Variants in FHIP1A observed in about 807,000 individuals in gnomAD.
The protein encoded by FHIP1A is FHF complex subunit HOOK-interacting protein 1A.
FHIP1A carries 61 observed loss-of-function variants against 88.6 expected under a neutral mutation model. That is an observed-to-expected ratio of 0.69 (90% CI 0.56 to 0.85). The LOEUF (loss-of-function observed/expected upper bound fraction) is 0.85, where lower values mean the gene tolerates loss of function less well. Among genes scored for constraint, FHIP1A ranks in the 40% least tolerant of loss-of-function variants. FHIP1A has a pLI of 0.00. For missense variants in FHIP1A, 1,154 were observed against 1,273.5 expected (o/e 0.91, Z 1.43); for synonymous variants, 478 against 496.0 (o/e 0.96, Z 0.48).
intron 3 of FHIP1A, among the ~76,000 whole-genome samples, chr4:151,484,276 A>G (rs1030662597): frequency 6.6e-5 from 10 of 152,210 alleles, no homozygotes; most frequent in African/African-American, 2.4e-4. Flanking sequence ...TGTTTGGAAC[A>G]TGTTCTTGCC....
At chr4:151,629,511 C>T (rs1020818025) in intron 7 of FHIP1A, among the ~76,000 whole-genome samples, 191 bp from the exon 8 acceptor site, 5 of 151,994 alleles carry the variant, frequency 3.3e-5, no homozygotes, top group East Asian at 3.9e-4. Flanking sequence ...AATTAAAGGG[C>T]GGAAACAGCA....
At chr4:151,660,607 T>G (rs1256829255) in intron 13 of FHIP1A, among the ~76,000 whole-genome samples, 1 of 152,204 alleles carries the variant, frequency 6.6e-6, no homozygotes, top group Non-Finnish European at 1.5e-5. Flanking sequence ...GGCTCAGCCC[T>G]GAGAAAGGTT....
chr4:151,517,508 C>G (rs1731287239), intron 3 of FHIP1A, among the ~76,000 whole-genome samples: 1 of 151,954 alleles, frequency 6.6e-6, no homozygotes, highest in Non-Finnish European at 1.5e-5. Context: ...AATATGGCGA[C>G]TTTGGTTGTC....
chr4:151,441,729 C>A (rs1174501644), intron 1 of FHIP1A, among the ~76,000 whole-genome samples: 1 of 152,166 alleles, frequency 6.6e-6, no homozygotes, highest in East Asian at 1.9e-4. Flanking sequence ...AAAACACCCT[C>A]CTTCCATTTC....
At chr4:151,461,415 C>T (rs1329776992) in intron 2 of FHIP1A, among the ~76,000 whole-genome samples, 1 of 151,976 alleles carries the variant, frequency 6.6e-6, no homozygotes, top group East Asian at 1.9e-4. Context: ...CACTCATTCT[C>T]GTGACAATAC....
intron 1 of FHIP1A, among the ~76,000 whole-genome samples, chr4:151,417,458 T>C (rs1023186472): frequency 2.6e-5 from 4 of 152,192 alleles, no homozygotes; most frequent in Admixed American, 2.0e-4. Context: ...TATATTTCTA[T>C]GCAAAGGAAG....
At chr4:151,514,076 A>G (rs1165237698) in intron 3 of FHIP1A, among the ~76,000 whole-genome samples, 1 of 152,208 alleles carries the variant, frequency 6.6e-6, no homozygotes, top group African/African-American at 2.4e-5. Flanking sequence ...CAGCAAATGT[A>G]AAAGATCAGA....
intron 8 of FHIP1A, among the ~76,000 whole-genome samples, chr4:151,633,655 A>G (rs1054093209): frequency 1.3e-5 from 2 of 151,950 alleles, no homozygotes; most frequent in Non-Finnish European, 2.9e-5. Flanking sequence ...TCACCATATG[A>G]AAGTCAGTCA....
intron 5 of FHIP1A, among the ~76,000 whole-genome samples, chr4:151,582,914 A>G (rs771070257): frequency 5.4e-4 from 82 of 152,360 alleles, no homozygotes; most frequent in Non-Finnish European, 8.8e-4. Flanking sequence ...AGAATGTGCT[A>G]TTCATCTCTT....
chr4:151,560,893 C>T lies in FHIP1A; in HGVS notation c.-122-5245C>T, dbSNP rs564263124. 7.9e-5 allele frequency among the ~76,000 whole-genome samples: 12 copies of T among 151,944 alleles called. No individual in the cohort carries two copies. In the East Asian group the frequency reaches 1.9e-3, roughly 24 times the overall value. On this transcript the variant is annotated intron_variant, in intron 3 of 13. Coordinates refer to ENST00000435205, the MANE Select transcript of FHIP1A (RefSeq NM_001109977.3). The stretch of plus-strand genomic sequence containing the variant: ...AATTTTTTTTAATTTTAAGCTTTAT[C>T]GAGGTATAATTGATCTACTTAGTTT...
intron 3 of FHIP1A, among the ~76,000 whole-genome samples, chr4:151,520,780 C>T (rs1313058864): frequency 1.3e-5 from 2 of 152,074 alleles, no homozygotes; most frequent in Non-Finnish European, 2.9e-5. Flanking sequence ...CACTTTGCTT[C>T]TAAATGTCAT....
rs1011507617 is a variant in FHIP1A, at chr4:151,656,847, C to T, written c.2818C>T (p.Leu940=). Residue 940 remains leucine, a synonymous_variant, in exon 13 of 14, where the codon CTG becomes TTG. Coordinates refer to ENST00000435205, the MANE Select transcript of FHIP1A (RefSeq NM_001109977.3). The surrounding 1 kb of genome is among the most constrained non-coding windows in gnomAD (Gnocchi z 4.2). ...PGLLIQAQQY[L]LFRVDMSDMT... ...GCTCCTCATTCAAGCTCAGCAGTACCTGCTCTTCCGTGTGGACATGTCTGA... is the reference window on the plus strand; with the variant it reads ...GCTCCTCATTCAAGCTCAGCAGTACTTGCTCTTCCGTGTGGACATGTCTGA... 3 of 1,551,480 alleles carry T rather than the reference C, an allele frequency of 1.9e-6. No individual in the cohort carries two copies. The African/African-American group carries it at 4.1e-5, about 21-fold the overall frequency.
At position 151,656,207 on chromosome 4, in the gene FHIP1A, C is replaced by T. The variant is rs1385122655; in HGVS notation, c.2552-25C>T. The T allele has an allele frequency of 1.3e-6, 2 of 1,546,772 alleles. No homozygotes were observed. The highest frequency in any genetic ancestry group is 2.0e-5 in the Admixed American group (1 of 50,956). ...GGCATCCCTGTGAGCCCAGCCAGCC[C>T]TGAAGCCTTGTGTTCTTCCTGCAGG... On this transcript the variant is annotated intron_variant, in intron 11 of 13. Coordinates refer to ENST00000435205, the MANE Select transcript of FHIP1A (RefSeq NM_001109977.3). The surrounding 1 kb of genome is among the most constrained non-coding windows in gnomAD (Gnocchi z 4.2).
At chr4:151,428,272 A>G (rs1358054959) in intron 1 of FHIP1A, among the ~76,000 whole-genome samples, 32 of 152,156 alleles carry the variant, frequency 2.1e-4, no homozygotes, top group Admixed American at 2.0e-3. Context: ...TAGAAATACC[A>G]TAAATATGAT....
chr4:151,518,618 G>C (rs890129079), intron 3 of FHIP1A, among the ~76,000 whole-genome samples: 1 of 130,220 alleles, frequency 7.7e-6, no homozygotes, highest in African/African-American at 2.9e-5. Context: ...TACTTGCTTT[G>C]TCACATAACT....
In FHIP1A at chr4:151,638,748, A is replaced by C. The variant is rs2126891281; in HGVS notation, c.1218A>C (p.Leu406=). ...ATTGTGAAGATGTGATGTTACAGCTAGTTCTAAGGTGAGTTGCCTTTTTTG... is the reference window on the plus strand; with the variant it reads ...ATTGTGAAGATGTGATGTTACAGCTCGTTCTAAGGTGAGTTGCCTTTTTTG... ...GLHCEDVMLQ[L]VLRYLIPCNH... is the part of the protein sequence containing the mutation. Residue 406 remains leucine, a synonymous_variant, in exon 9 of 14, where the codon CTA becomes CTC. Coordinates refer to ENST00000435205, the MANE Select transcript of FHIP1A (RefSeq NM_001109977.3). 1 of 1,542,814 alleles carries C rather than the reference A, an allele frequency of 6.5e-7. No homozygotes were observed. The highest frequency in any genetic ancestry group is 8.8e-7 in the Non-Finnish European group (1 of 1,141,154).
intron 7 of FHIP1A, among the ~76,000 whole-genome samples, chr4:151,599,444 A>G (rs1734775937): frequency 7.2e-6 from 1 of 138,232 alleles, no homozygotes; most frequent in Non-Finnish European, 1.7e-5. Context: ...CCTGTGTGAG[A>G]GAAAATAGGA....
chr4:151,471,767 T>C (rs552190114), intron 2 of FHIP1A, among the ~76,000 whole-genome samples: 1 of 152,268 alleles, frequency 6.6e-6, no homozygotes, highest in South Asian at 2.1e-4. Context: ...CCTTACCCTC[T>C]TCCCACCCAT....
At chr4:151,594,961 C>A (rs2126818825) in intron 7 of FHIP1A, among the ~76,000 whole-genome samples, 1 of 152,232 alleles carries the variant, frequency 6.6e-6, no homozygotes, top group South Asian at 2.1e-4. Flanking sequence ...TTTTGTTAAT[C>A]TTTTCAAAAA....
Sources: gnomAD v4.1 joint callset for allele counts (sites outside exome capture counted in the v4.1 genomes callset) on GRCh38, gnomAD v4.1.1 for gene constraint, Gnocchi (gnomAD v3.1) non-coding constraint, MANE v1.5 for transcripts, NCBI Gene and HGNC (gene_info 2026-07-23, HGNC 2026-07-21) for gene names.